Variants in TBCEL observed in about 807,000 individuals in gnomAD.
TBCEL encodes the protein tubulin-specific chaperone cofactor E-like protein.
In TBCEL, 15 loss-of-function variants were observed where a neutral mutation model predicts 44.2. The observed-to-expected ratio is 0.34, with a 90% CI of 0.23 to 0.52. TBCEL has a LOEUF of 0.52. Among genes scored for constraint, TBCEL ranks in the 20% least tolerant of loss-of-function variants. TBCEL has a pLI of 0.95. For synonymous variants in TBCEL, 171 were observed against 185.4 expected (o/e 0.92, Z 0.63); for missense variants, 319 against 506.3 (o/e 0.63, Z 3.55).
chr11:121,047,824 A>G, intron 4 of TBCEL, 157 bp downstream of exon 4: 1 of 933,770 alleles, frequency 1.1e-6, no homozygotes, highest in Non-Finnish European at 1.6e-6. Context: ...CTTTATATCA[A>G]GATAAATAAG....
chr11:121,047,377 A>T, intron 3 of TBCEL, 151 bp from the exon 4 acceptor site: 2 of 897,848 alleles, frequency 2.2e-6, no homozygotes, highest in Non-Finnish European at 3.3e-6. Context: ...AGGATTCAGT[A>T]CCCTTTGGTC....
intron 4 of TBCEL, 168 bp downstream of exon 4, chr11:121,047,835 G>C: frequency 1.2e-6 from 1 of 849,840 alleles, no homozygotes; most frequent in African/African-American, 1.7e-5. Flanking sequence ...GATAAATAAG[G>C]CCTATAATCC....
At chr11:121,038,317 T>G (rs754014833) in intron 2 of TBCEL, among the ~76,000 whole-genome samples, 2 of 152,196 alleles carry the variant, frequency 1.3e-5, no homozygotes, top group African/African-American at 4.8e-5. Flanking sequence ...TTAGTAGACC[T>G]TTATTCGTTG....
At chr11:121,076,465 A>C (rs1237025655) in intron 8 of TBCEL, among the ~76,000 whole-genome samples, 1 of 151,984 alleles carries the variant, frequency 6.6e-6, no homozygotes. Context: ...AAAATTTCAA[A>C]TTCAGTTGTT....
At chr11:121,086,498 T>C (rs1206635278) in intron 8 of TBCEL, among the ~76,000 whole-genome samples, 6 of 152,150 alleles carry the variant, frequency 3.9e-5, no homozygotes, top group Admixed American at 2.0e-4. Context: ...CTTTATAGTG[T>C]CTACTTTTCT....
rs544813275 is a variant in TBCEL at position 121,053,444 on chromosome 11, A to T, written c.274-107A>T. On this transcript the variant is annotated intron_variant, in intron 4 of 8. Transcript: ENST00000683345. ...ACTAAATAATAGGACTCCTTGATGT[A>T]AATGGCCCTTTGCCTGGAGACCAGC... The T allele has an allele frequency of 1.2e-4, 120 of 965,134 alleles. 2 individuals carry two copies. In the South Asian group the frequency reaches 1.9e-3, roughly 15 times the overall value. 59.8% of individuals were successfully genotyped at this position (965,134 alleles called of 1,614,324 possible). A position where few individuals can be genotyped will look rare whatever the true frequency, so the allele number is the denominator to read the frequency against.
Position 121,087,201 on chromosome 11 carries a change from G to GT in TBCEL, c.*107dup, listed in dbSNP as rs1463762855. Reference sequence around the variant, plus strand: ...GGAGAGGTTGTTTTTGTTTTGTTTTGTTCTGTTTAGGTTTGGGAAGGATTT... The same window carrying GT: ...GGAGAGGTTGTTTTTGTTTTGTTTTGTTTCTGTTTAGGTTTGGGAAGGATTT... On this transcript the variant is annotated 3_prime_UTR_variant, in exon 9 of 9. Transcript: ENST00000683345. 8.3e-7 allele frequency: 1 copy of GT among 1,201,856 alleles called. No individual in the cohort carries two copies. Among genetic ancestry groups the GT allele is most frequent in the African/African-American group, 1.5e-5 (1 of 64,872 alleles). The allele number at this position is 1,201,856 out of a possible 1,614,324, so 74.4% of individuals were successfully genotyped here.
intron 4 of TBCEL, among the ~76,000 whole-genome samples, chr11:121,050,536 T>G (rs984994764): frequency 6.6e-6 from 1 of 151,730 alleles, no homozygotes; most frequent in African/African-American, 2.4e-5. Context: ...ATAATGCATT[T>G]TTTTTTAGCT....
chr11:121,033,663 T>C (rs1245574135), intron 1 of TBCEL, among the ~76,000 whole-genome samples: 1 of 152,230 alleles, frequency 6.6e-6, no homozygotes, highest in Non-Finnish European at 1.5e-5. Context: ...AAAATGTACG[T>C]AACATAAAAT....
rs1945686995 is a variant in TBCEL at position 121,059,832 on chromosome 11, T to C, written c.840-137T>C. ...TTTAGACCACTTTAGTTCATGTCAGTAGTTGTATACAAATGGAACTACATC... is the reference window on the plus strand; with the variant it reads ...TTTAGACCACTTTAGTTCATGTCAGCAGTTGTATACAAATGGAACTACATC... On this transcript the variant is annotated intron_variant, in intron 7 of 8. Transcript: ENST00000683345. The C allele has an allele frequency of 9.6e-6, 6 of 625,828 alleles. No individual in the cohort carries two copies. The East Asian group carries it at 1.7e-4, about 18-fold the overall frequency. 38.8% of individuals were successfully genotyped at this position (625,828 alleles called of 1,614,324 possible). A position where few individuals can be genotyped will look rare whatever the true frequency, so the allele number is the denominator to read the frequency against.
intron 8 of TBCEL, among the ~76,000 whole-genome samples, chr11:121,064,028 T>G (rs1945772669): frequency 6.6e-6 from 1 of 152,166 alleles, no homozygotes; most frequent in South Asian, 2.1e-4. Flanking sequence ...GTGGGGCTTG[T>G]GGGTAGGGGA....
chr11:121,027,011 G>A lies in TBCEL; in HGVS notation c.-126+2720G>A, dbSNP rs568452941. Among the ~76,000 whole-genome samples the A allele has an allele frequency of 2.2e-4, 33 of 152,176 alleles. No homozygotes were observed. The East Asian group carries it at 2.9e-3, about 13-fold the overall frequency. On this transcript the variant is annotated intron_variant, in intron 1 of 8. Transcript: ENST00000683345. ...TAATTTTTGCCTCCAAACTACTATG[G>A]TTTTGAAAATCAGATATTTATATTT...
chr11:121,030,484 C>G (rs1945124090), intron 1 of TBCEL, among the ~76,000 whole-genome samples: 1 of 152,092 alleles, frequency 6.6e-6, no homozygotes, highest in African/African-American at 2.4e-5. Flanking sequence ...TGCAGAGGTC[C>G]TGGTGAGAAG....
intron 1 of TBCEL, among the ~76,000 whole-genome samples, chr11:121,028,948 A>G (rs771050740): frequency 6.6e-6 from 1 of 152,180 alleles, no homozygotes; most frequent in Admixed American, 6.5e-5. Context: ...AAACTTTTGA[A>G]TGGTGGACCT....
chr11:121,086,868 C>T lies in TBCEL; in HGVS notation c.1047C>T (p.His349=), dbSNP rs267602730. The T allele has an allele frequency of 6.2e-7, 1 of 1,614,024 alleles. No homozygotes were observed. The stretch of plus-strand genomic sequence containing the variant: ...AGAGCAGTGCAAAAGTAGAAGTCCA[C>T]TTTAACGATCAGGTGGAAGAAATGA... The part of the protein sequence containing the change: ...RPQSSAKVEV[H]FNDQVEEMSI... Residue 349 remains histidine (H), a synonymous_variant, in exon 9 of 9, where the codon CAC becomes CAT. Coordinates refer to ENST00000683345, the MANE Select transcript of TBCEL (RefSeq NM_001363644.2).
intron 1 of TBCEL, among the ~76,000 whole-genome samples, chr11:121,026,282 T>G (rs1445262549): frequency 6.6e-6 from 1 of 152,200 alleles, no homozygotes; most frequent in Non-Finnish European, 1.5e-5. Context: ...GTGGGGTCCT[T>G]AGAAAAATAG....
chr11:121,051,365 G>C (rs1945525473), intron 4 of TBCEL, among the ~76,000 whole-genome samples: 1 of 151,720 alleles, frequency 6.6e-6, no homozygotes, highest in Non-Finnish European at 1.5e-5. Context: ...GTAGTAGTTA[G>C]CAAAGGGTTT....
chr11:121,058,241 T>G (rs1945657713), intron 6 of TBCEL, 104 bp from the exon 7 acceptor site: 1 of 1,340,638 alleles, frequency 7.5e-7, no homozygotes, highest in Non-Finnish European at 1.0e-6. Context: ...TTATGATCAT[T>G]TTAACATTTC....
chr11:121,035,460 A>G (rs1269009162), intron 1 of TBCEL: 4 of 151,164 alleles, frequency 2.6e-5, no homozygotes, highest in African/African-American at 9.7e-5. Flanking sequence ...AAAAAAAACA[A>G]AAACAAACGT....
Sources: allele counts gnomAD v4.1 joint callset (sites outside exome capture counted in the v4.1 genomes callset), GRCh38; gene constraint gnomAD v4.1.1; transcripts MANE v1.5; gene names NCBI Gene and HGNC (gene_info 2026-07-23, HGNC 2026-07-21).